Variants in SMCHD1 observed in about 807,000 individuals in gnomAD.
SMCHD1 encodes the protein structural maintenance of chromosomes flexible hinge domain-containing protein 1.
A neutral mutation model predicts 254.7 loss-of-function variants in SMCHD1; 78 were observed. The observed-to-expected ratio is 0.31, with a 90% confidence interval of 0.26 to 0.37. SMCHD1 has a LOEUF of 0.37. Among genes scored for constraint, SMCHD1 ranks in the 10% least tolerant of loss-of-function variants. The pLI is 1.00. For synonymous variants in SMCHD1, 766 were observed against 794.9 expected, an observed-to-expected ratio of 0.96 and a Z score of 0.61; for missense variants, 1,840 against 2,408.1, an observed-to-expected ratio of 0.76 and a Z score of 4.94.
chr18:2,789,940 T>C (rs1278991581), intron 45 of SMCHD1, among the ~76,000 whole-genome samples: 1 of 152,116 alleles, frequency 6.6e-6, no homozygotes, highest in African/African-American at 2.4e-5. Flanking sequence ...TCCCAACACT[T>C]TGGGAGGCCG....
At position 2,666,970 on chromosome 18, in the gene SMCHD1, T is replaced by C. The variant is rs757981788; in HGVS notation, c.363T>C (p.Tyr121=). The C allele has an allele frequency of 5.6e-6, 9 of 1,609,758 alleles. No homozygotes were observed. In the East Asian group the frequency reaches 2.0e-4, roughly 36 times the overall value. The change falls in exon 3 of 48, where the codon TAT becomes TAC. Residue 121 remains tyrosine (Y), a synonymous_variant. Transcript: ENST00000320876. ...AACGAATTGACTTCTTACCTCACTA[T>C]GACACACTGGTTAAAAGTGGCATGT... The part of the protein sequence containing the change: ...TKERIDFLPH[Y]DTLVKSGMYE...
At position 2,678,083 on chromosome 18, in the gene SMCHD1, C is replaced by T. The variant is rs550228516; in HGVS notation, c.638+3938C>T. ...TCCCACTTTCGTGTACTATCATTTT[C>T]GTATAAATGTGATCGTTATACATTA... On this transcript the variant is annotated intron_variant, in intron 5 of 47. Coordinates refer to ENST00000320876, the MANE Select transcript of SMCHD1 (RefSeq NM_015295.3). Among the ~76,000 whole-genome samples the T allele has an allele frequency of 2.8e-4, 43 of 152,216 alleles. 1 individual carries two copies. The South Asian group carries it at 7.9e-3, about 28-fold the overall frequency.
chr18:2,682,796 A>T (rs115991458), intron 5 of SMCHD1, among the ~76,000 whole-genome samples: 1,583 of 152,338 alleles, frequency 0.01, 23 homozygotes, highest in African/African-American at 0.032. Context: ...AATTCTCCAG[A>T]GGACTGCTGT....
chr18:2,795,210 T>C (rs950790029), intron 45 of SMCHD1, among the ~76,000 whole-genome samples: 4 of 152,112 alleles, frequency 2.6e-5, no homozygotes, highest in Non-Finnish European at 5.9e-5. Context: ...CCCGCCACCA[T>C]GCCCAGCTAA....
At chr18:2,760,600 T>C in intron 34 of SMCHD1, 52 bp from the exon 35 acceptor site, 6 of 1,007,284 alleles carry the variant, frequency 6.0e-6, no homozygotes, top group Non-Finnish European at 9.5e-6. Context: ...TTTGAATTCC[T>C]TCCCCCTTTA....
chr18:2,751,695 A>C (rs1420796589), intron 33 of SMCHD1, among the ~76,000 whole-genome samples: 1 of 152,112 alleles, frequency 6.6e-6, no homozygotes, highest in Admixed American at 6.5e-5. Flanking sequence ...TGAGGGGATA[A>C]TATAGAAAAT....
intron 5 of SMCHD1, among the ~76,000 whole-genome samples, chr18:2,674,892 A>G (rs980399759): frequency 4.6e-5 from 7 of 152,232 alleles, no homozygotes; most frequent in Admixed American, 2.0e-4. Context: ...GTGTGTTAAT[A>G]TAGCTAAAAC....
At chr18:2,783,953 T>A (rs1259928405) in intron 44 of SMCHD1, among the ~76,000 whole-genome samples, 1 of 152,196 alleles carries the variant, frequency 6.6e-6, no homozygotes, top group African/African-American at 2.4e-5. Context: ...TTCCCCTAAC[T>A]CTCAAATTAT....
intron 5 of SMCHD1, among the ~76,000 whole-genome samples, chr18:2,676,171 T>C (rs1481359039): frequency 1.3e-5 from 2 of 152,196 alleles, no homozygotes; most frequent in Non-Finnish European, 2.9e-5. Flanking sequence ...AGGCTAAAAG[T>C]ACTAAACAAC....
intron 28 of SMCHD1, among the ~76,000 whole-genome samples, chr18:2,742,284 A>G (rs1314640754): frequency 6.6e-6 from 1 of 152,138 alleles, no homozygotes. Context: ...GACGTATACT[A>G]TCTTGGCTCA....
chr18:2,736,651 C>A (rs569229855), intron 25 of SMCHD1, among the ~76,000 whole-genome samples: 1 of 139,740 alleles, frequency 7.2e-6, no homozygotes, highest in African/African-American at 2.5e-5. Context: ...AAAAAATGTT[C>A]AACATCATAA....
intron 21 of SMCHD1, 80 bp downstream of exon 21, chr18:2,725,075 G>T: frequency 1.2e-6 from 1 of 867,586 alleles, no homozygotes; most frequent in South Asian, 2.7e-5. Context: ...TAAATGAAAA[G>T]TGGAATGACC....
rs1598435752 is a variant in SMCHD1 at position 2,777,755 on chromosome 18, A to G, written c.5367-51A>G. 3.9e-6 allele frequency: 4 copies of G among 1,031,228 alleles called. No individual in the cohort carries two copies. In the East Asian group the frequency reaches 1.1e-4, roughly 27 times the overall value. 63.9% of individuals were successfully genotyped at this position (1,031,228 alleles called of 1,614,324 possible). On this transcript the variant is annotated intron_variant, in intron 42 of 47. Transcript: ENST00000320876. ...TGTTTTCCATATTGTCTTTTTTTAA[A>G]TTTAAAAAGTCATGTGCTTTAATAT...
At chr18:2,784,414 G>A in intron 44 of SMCHD1, 36 bp from the exon 45 acceptor site, 1 of 1,514,718 alleles carries the variant, frequency 6.6e-7, no homozygotes, top group South Asian at 1.2e-5. Flanking sequence ...GTTGAAATAA[G>A]TTGCTCACTA....
rs1238138673 is a variant in SMCHD1 at position 2,747,663 on chromosome 18, C to G, written c.3927+16C>G. The G allele has an allele frequency of 6.6e-7, 1 of 1,518,286 alleles. No homozygotes were observed. Among genetic ancestry groups the G allele is most frequent in the Non-Finnish European group, 8.9e-7 (1 of 1,124,980 alleles). 94.1% of individuals were successfully genotyped at this position (1,518,286 alleles called of 1,614,324 possible). On this transcript the variant is annotated intron_variant, in intron 30 of 47. Coordinates refer to ENST00000320876, the MANE Select transcript of SMCHD1 (RefSeq NM_015295.3). ...CAATTTAAAGGTAAGTTTTAAACTT[C>G]CTTACATCTTCATTTAAAATTCTGG...
At chr18:2,707,682 C>G (rs2074550504) in intron 16 of SMCHD1, 37 bp downstream of exon 16, 1 of 1,505,776 alleles carries the variant, frequency 6.6e-7, no homozygotes, top group Non-Finnish European at 9.1e-7. Context: ...AAAAAGTGTG[C>G]TTTTCTTTTG....
At chr18:2,656,803 G>A (rs1163375064) in intron 1 of SMCHD1, among the ~76,000 whole-genome samples, 1 of 152,120 alleles carries the variant, frequency 6.6e-6, no homozygotes, top group African/African-American at 2.4e-5. Context: ...GGCGGCGGGG[G>A]GGATCCTTCC....
At chr18:2,709,768 G>T (rs906827790) in intron 17 of SMCHD1, among the ~76,000 whole-genome samples, 3 of 152,126 alleles carry the variant, frequency 2.0e-5, no homozygotes. Context: ...TTGTTGTTGA[G>T]TTGTAAGAGT....
chr18:2,701,728 A>T (rs1211026969), intron 12 of SMCHD1, among the ~76,000 whole-genome samples: 1 of 152,194 alleles, frequency 6.6e-6, no homozygotes, highest in South Asian at 2.1e-4. Context: ...TACAAAGTTG[A>T]GTGAAACTAG....
Sources: allele counts gnomAD v4.1 joint callset (sites outside exome capture counted in the v4.1 genomes callset), GRCh38; gene constraint gnomAD v4.1.1; transcripts MANE v1.5; gene names NCBI Gene and HGNC (gene_info 2026-07-23, HGNC 2026-07-21).